Variants in DIP2C observed in about 807,000 individuals in gnomAD.
DIP2C encodes DIP2 acetate--CoA ligase C (putative), also known as disco-interacting protein 2 homolog C.
Under a neutral mutation model 192.4 loss-of-function variants are expected in DIP2C, and 33 were observed. The observed-to-expected ratio is 0.17, with a 90% CI of 0.13 to 0.23. The LOEUF is 0.23. Ranked by LOEUF, DIP2C falls within the 10% of genes least tolerant of loss-of-function variation. DIP2C has a pLI of 1.00. For synonymous variants in DIP2C, 979 were observed against 864.1 expected, an observed-to-expected ratio of 1.13 and a Z score of -2.33; for missense variants, 1,537 against 2,110.1, an observed-to-expected ratio of 0.73 and a Z score of 5.32.
chr10:613,635 T>C (rs1470310217), intron 1 of DIP2C, among the ~76,000 whole-genome samples: 1 of 152,218 alleles, frequency 6.6e-6, no homozygotes, highest in South Asian at 2.1e-4. Context: ...AGCAGGTAAT[T>C]AGAGCAATTG....
chr10:400,933 T>A (rs1223621221), intron 9 of DIP2C, among the ~76,000 whole-genome samples: 2 of 149,764 alleles, frequency 1.3e-5, no homozygotes, highest in African/African-American at 5.0e-5. Context: ...ATGAATCCTA[T>A]GATTTTACAC....
At chr10:619,839 G>A (rs1451050321) in intron 1 of DIP2C, among the ~76,000 whole-genome samples, 1 of 152,108 alleles carries the variant, frequency 6.6e-6, no homozygotes, top group Non-Finnish European at 1.5e-5. Context: ...CCCGTGTTGG[G>A]AGGCACCCGC....
intron 1 of DIP2C, among the ~76,000 whole-genome samples, chr10:579,979 CAT>C (rs1317772157): frequency 1.3e-5 from 2 of 151,586 alleles, no homozygotes; most frequent in African/African-American, 4.9e-5. Flanking sequence ...AGCCAATGTA[CAT>C]ATACAGGTAC....
intron 1 of DIP2C, among the ~76,000 whole-genome samples, chr10:584,945 C>CCAGCAG (rs1850919318): frequency 8.1e-6 from 1 of 123,062 alleles, no homozygotes; most frequent in Non-Finnish European, 1.7e-5. Context: ...CATCACCTCT[C>CCAGCAG]AATCTCGGGG....
At chr10:376,272 G>A (rs1345172255) in intron 17 of DIP2C, among the ~76,000 whole-genome samples, 2 of 138,094 alleles carry the variant, frequency 1.4e-5, no homozygotes, top group Non-Finnish European at 3.1e-5. Context: ...CCGGCAGGGA[G>A]AAGGACCCAG....
intron 10 of DIP2C, among the ~76,000 whole-genome samples, chr10:396,457 G>T (rs955015721): frequency 6.6e-5 from 10 of 152,164 alleles, no homozygotes; most frequent in African/African-American, 1.7e-4. Flanking sequence ...GTGAAGAAAA[G>T]AATAATTGTT....
chr10:485,026 C>T, intron 2 of DIP2C: 1 of 1,475,886 alleles, frequency 6.8e-7, no homozygotes, highest in Non-Finnish European at 9.0e-7. Flanking sequence ...AGCAGAGCTG[C>T]CGACCCCATG....
At chr10:635,877 G>C (rs996005798) in intron 1 of DIP2C, among the ~76,000 whole-genome samples, 1 of 152,204 alleles carries the variant, frequency 6.6e-6, no homozygotes, top group African/African-American at 2.4e-5. Context: ...TTCCAGCCCA[G>C]AGGCTCAACG....
chr10:304,099 A>G (rs1956193784), intron 32 of DIP2C, among the ~76,000 whole-genome samples: 1 of 152,198 alleles, frequency 6.6e-6, no homozygotes, highest in Non-Finnish European at 1.5e-5. Flanking sequence ...TAAGATAACG[A>G]CATTAAAGGT....
intron 9 of DIP2C, among the ~76,000 whole-genome samples, chr10:407,292 A>G (rs927834743): frequency 2.6e-5 from 4 of 152,190 alleles, no homozygotes; most frequent in Non-Finnish European, 5.9e-5. Context: ...TCCATGTGTT[A>G]TGTGTCAGAA....
chr10:305,181 T>C (rs896697882), intron 32 of DIP2C, among the ~76,000 whole-genome samples: 10 of 152,244 alleles, frequency 6.6e-5, no homozygotes, highest in African/African-American at 2.4e-4. Context: ...CATGCATATA[T>C]GCACTTATAC....
At chr10:359,265 A>G (rs1435274988) in intron 22 of DIP2C, among the ~76,000 whole-genome samples, 1 of 152,234 alleles carries the variant, frequency 6.6e-6, no homozygotes, top group African/African-American at 2.4e-5. Context: ...GAGCAGGGCC[A>G]CCGGCTCTCT....
chr10:492,125 C>T (rs543902995), intron 1 of DIP2C, among the ~76,000 whole-genome samples: 5 of 152,236 alleles, frequency 3.3e-5, no homozygotes, highest in East Asian at 1.9e-4. Flanking sequence ...GGACCCCAGA[C>T]GCCGCGGGCC....
chr10:285,483 G>A (rs1045078101), intron 34 of DIP2C, among the ~76,000 whole-genome samples: 4 of 152,236 alleles, frequency 2.6e-5, no homozygotes, highest in Non-Finnish European at 5.9e-5. Flanking sequence ...GGTAACCGGA[G>A]GGAGGGCACA....
intron 1 of DIP2C, among the ~76,000 whole-genome samples, chr10:531,853 GCAACTCCAGCACGCGGCAGCTTC>G (rs1847389016): frequency 6.6e-6 from 1 of 152,212 alleles, no homozygotes; most frequent in Non-Finnish European, 1.5e-5. Flanking sequence ...GGCAACGCTT[GCAACTCCAGCACGCGGCAGCTTC>G]CAGCTCCAGC....
intron 1 of DIP2C, among the ~76,000 whole-genome samples, chr10:624,846 A>T (rs1854093223): frequency 6.6e-6 from 1 of 152,020 alleles, no homozygotes; most frequent in Non-Finnish European, 1.5e-5. Context: ...AGCTGTGAAG[A>T]CGGAGGTGTG....
At chr10:538,544 G>A (rs1847819661) in intron 1 of DIP2C, among the ~76,000 whole-genome samples, 1 of 152,186 alleles carries the variant, frequency 6.6e-6, no homozygotes, top group African/African-American at 2.4e-5. Context: ...GTGAGAGAGG[G>A]ATGGTTCAGG....
intron 1 of DIP2C, among the ~76,000 whole-genome samples, chr10:549,001 TC>T (rs1371945328): frequency 1.4e-5 from 2 of 139,464 alleles, no homozygotes; most frequent in African/African-American, 5.2e-5. Flanking sequence ...TCTAGTCCAA[TC>T]CCCCACCCTA....
chr10:476,049 CT>C lies in DIP2C; in HGVS notation c.158-3501del, dbSNP rs1843006666. 2.0e-5 allele frequency among the ~76,000 whole-genome samples: 3 copies of C among 152,222 alleles called. No individual in the cohort carries two copies. The East Asian group carries it at 5.8e-4, about 29-fold the overall frequency. ...TTGGGGAACTGTGATTGAAAACCAG[CT>C]CTCAGGAGCATCACAGGAAGACTAG... On this transcript the variant is annotated intron_variant, in intron 2 of 36. Coordinates refer to ENST00000280886, the MANE Select transcript of DIP2C (RefSeq NM_014974.3).
Sources: gnomAD v4.1 joint callset for allele counts (sites outside exome capture counted in the v4.1 genomes callset) on GRCh38, gnomAD v4.1.1 for gene constraint, MANE v1.5 for transcripts, NCBI Gene and HGNC (gene_info 2026-07-23, HGNC 2026-07-21) for gene names.